The following CACNG3 variants were observed in gnomAD, a reference collection of about 807,000 sequenced individuals.
CACNG3 encodes voltage-dependent calcium channel gamma-3 subunit.
CACNG3 carries 3 observed loss-of-function variants against 28.5 expected under a neutral mutation model. The ratio of observed to expected loss-of-function variants is 0.11; its 90% CI spans 0.05 to 0.27. CACNG3 has a LOEUF of 0.27. Among genes scored for constraint, CACNG3 ranks in the 10% least tolerant of loss-of-function variants. The probability of loss-of-function intolerance (pLI) is 1.00; values close to 1 mark genes in which losing one functional copy is unlikely to be tolerated. For synonymous variants in CACNG3, 174 were observed against 162.2 expected, an observed-to-expected ratio of 1.07 and a Z score of -0.55; for missense variants, 236 against 414.4, an observed-to-expected ratio of 0.57 and a Z score of 3.74.
chr16:24,356,701 C>CA (rs1342703694), intron 3 of CACNG3, among the ~76,000 whole-genome samples: 1 of 151,730 alleles, frequency 6.6e-6, no homozygotes, highest in Admixed American at 6.6e-5. Context: ...GACCCTGTCT[C>CA]AAAATAGTCG....
chr16:24,298,754 T>A (rs948140459), intron 1 of CACNG3, among the ~76,000 whole-genome samples: 3 of 152,222 alleles, frequency 2.0e-5, no homozygotes, highest in Non-Finnish European at 4.4e-5. Flanking sequence ...TCTCCTTGGG[T>A]ACCTCTAGAC....
rs1039840432 is a variant in CACNG3 at position 24,290,973 on chromosome 16, G to T, written c.211+34008G>T. On this transcript the variant is annotated intron_variant, in intron 1 of 3. Coordinates refer to ENST00000005284, the MANE Select transcript of CACNG3 (RefSeq NM_006539.4). ...GAAGGCAGATGGCAAACTCCCCAAA[G>T]CAATACTGCACTGTTCTTGGGAGCA... is the stretch of plus-strand genomic sequence containing the variant. Among the ~76,000 whole-genome samples the T allele has an allele frequency of 2.6e-5, 4 of 152,202 alleles. No individual in the cohort carries two copies. The South Asian group carries it at 8.3e-4, about 32-fold the overall frequency.
intron 1 of CACNG3, among the ~76,000 whole-genome samples, chr16:24,264,977 A>G (rs1460939587): frequency 1.3e-5 from 2 of 152,198 alleles, no homozygotes; most frequent in African/African-American, 4.8e-5. Flanking sequence ...GGTGGATCAC[A>G]TCTGTAATCC....
At chr16:24,303,632 C>A (rs369786776) in intron 1 of CACNG3, among the ~76,000 whole-genome samples, 14 of 151,384 alleles carry the variant, frequency 9.2e-5, no homozygotes, top group Admixed American at 9.2e-4. Flanking sequence ...TATTTGCTTG[C>A]GAAGTGGTTG....
chr16:24,348,118 C>T (rs536412716), intron 2 of CACNG3, among the ~76,000 whole-genome samples: 1 of 152,268 alleles, frequency 6.6e-6, no homozygotes, highest in South Asian at 2.1e-4. Context: ...AATAGTGAGG[C>T]CAAGTGCAAT....
In CACNG3 at chr16:24,362,335, A is replaced by G. The variant is rs1466141128; in HGVS notation, c.*472A>G. 6.4e-6 allele frequency: 1 copy of G among 156,282 alleles called. No individual in the cohort carries two copies. Among genetic ancestry groups the G allele is most frequent in the African/African-American group, 2.4e-5 (1 of 41,534 alleles). 9.7% of individuals were successfully genotyped at this position (156,282 alleles called of 1,614,324 possible). ...ATGTGTTAGAAAAACATGACCAGAA[A>G]TCAAAGATGTCAGAGCCCCGAAGCA... On this transcript the variant is annotated 3_prime_UTR_variant, in exon 4 of 4. Transcript: ENST00000005284.
rs1039707920 is a variant in CACNG3 at position 24,333,523 on chromosome 16, G to A, written c.212-13211G>A. On this transcript the variant is annotated intron_variant, in intron 1 of 3. Coordinates refer to ENST00000005284, the MANE Select transcript of CACNG3 (RefSeq NM_006539.4). ...ATTTTCAGACACCATGATCGACAGT[G>A]CCCATTCTCATCTAGAAAGAGGCTT... 3.9e-5 allele frequency: 6 copies of A among 152,328 alleles called. No homozygotes were observed. The East Asian group carries it at 7.7e-4, about 20-fold the overall frequency. The allele number at this position is 152,328 out of a possible 1,614,324, so 9.4% of individuals were successfully genotyped here.
intron 2 of CACNG3, among the ~76,000 whole-genome samples, chr16:24,354,328 C>T (rs1052338781): frequency 2.6e-5 from 4 of 152,100 alleles, no homozygotes; most frequent in African/African-American, 9.7e-5. Context: ...TCCCAGTGAG[C>T]GCAAACCCTC....
intron 1 of CACNG3, among the ~76,000 whole-genome samples, chr16:24,322,349 G>A (rs996308922): frequency 1.1e-4 from 16 of 152,014 alleles, no homozygotes; most frequent in Non-Finnish European, 1.9e-4. Flanking sequence ...AAGGAACCCC[G>A]GCCACCCTTG....
intron 1 of CACNG3, among the ~76,000 whole-genome samples, chr16:24,326,528 A>G (rs1353347445): frequency 6.6e-6 from 1 of 152,196 alleles, no homozygotes; most frequent in African/African-American, 2.4e-5. Context: ...TCACTGGACA[A>G]ACTTGGTCAC....
rs1159128558 is a variant in CACNG3, at chr16:24,327,441, TATATATATATATATACAC to T, written c.212-19291_212-19274del. 7.3e-4 allele frequency among the ~76,000 whole-genome samples: 66 copies of T among 90,468 alleles called. 1 individual carries two copies. The highest frequency in any genetic ancestry group is 2.8e-3 in the African/African-American group (62 of 22,388). The allele number at this position is 90,468 out of a possible 152,430, so 59.4% of individuals were successfully genotyped here. On this transcript the variant is annotated intron_variant, in intron 1 of 3. Coordinates refer to ENST00000005284, the MANE Select transcript of CACNG3 (RefSeq NM_006539.4). ...ATATATATGTGTGTGTGTGTGTGTA[TATATATATATATATACAC>T]ACACACACACACACACACATATACT...
intron 1 of CACNG3, among the ~76,000 whole-genome samples, chr16:24,315,606 C>CTCTT (rs751180321): frequency 2.2e-5 from 3 of 136,120 alleles, no homozygotes; most frequent in Admixed American, 1.5e-4. Context: ...TTCTTTGTCT[C>CTCTT]TCTTTCTTTC....
rs1348736571 is a variant in CACNG3, at chr16:24,257,365, G to A, written c.211+400G>A. Among the ~76,000 whole-genome samples, 4 of 107,636 alleles carry A rather than the reference G, an allele frequency of 3.7e-5. No homozygotes were observed. The East Asian group carries it at 1.1e-3, about 30-fold the overall frequency. The allele number at this position is 107,636 out of a possible 152,430, so 70.6% of individuals were successfully genotyped here. On this transcript the variant is annotated intron_variant, in intron 1 of 3. Coordinates refer to ENST00000005284, the MANE Select transcript of CACNG3 (RefSeq NM_006539.4). ...GAAGGGACAAGAGGAAAGAAGTGAG[G>A]GGGGAGAGAGAGAGAGAGAGAGAGA...
At chr16:24,304,638 A>G (rs1282237719) in intron 1 of CACNG3, among the ~76,000 whole-genome samples, 1 of 152,122 alleles carries the variant, frequency 6.6e-6, no homozygotes, top group East Asian at 1.9e-4. Context: ...CAGTAGCGCA[A>G]TCTCAGCTCA....
intron 1 of CACNG3, among the ~76,000 whole-genome samples, chr16:24,337,074 A>T (rs2238520): frequency 0.26 from 39,094 of 151,966 alleles, 5,240 homozygotes; most frequent in Admixed American, 0.37. Context: ...TTGGCCTCCA[A>T]AAGTGCTGGG....
chr16:24,320,868 C>T (rs979474999), intron 1 of CACNG3, among the ~76,000 whole-genome samples: 1 of 152,018 alleles, frequency 6.6e-6, no homozygotes. Context: ...TAGCTGGGAC[C>T]ACAGGCATGC....
intron 1 of CACNG3, among the ~76,000 whole-genome samples, chr16:24,343,361 G>A (rs1899815930): frequency 6.6e-6 from 1 of 152,166 alleles, no homozygotes; most frequent in Admixed American, 6.5e-5. Context: ...AATTCTGACT[G>A]GTCTGTATTT....
chr16:24,267,674 G>C (rs756379641), intron 1 of CACNG3, among the ~76,000 whole-genome samples: 3 of 151,756 alleles, frequency 2.0e-5, no homozygotes, highest in Non-Finnish European at 2.9e-5. Flanking sequence ...GCATTCATTT[G>C]TTTGTTTGTT....
rs914197267 is a variant in CACNG3, at chr16:24,307,073, T to C, written c.212-39661T>C. On this transcript the variant is annotated intron_variant, in intron 1 of 3. Transcript: ENST00000005284. Reference sequence around the variant, plus strand: ...CCAATAGCTGGGCAGTATGAGGGTATAGAGGTTCATCTAGCTTGCCTTCTT... The same window carrying C: ...CCAATAGCTGGGCAGTATGAGGGTACAGAGGTTCATCTAGCTTGCCTTCTT... Among the ~76,000 whole-genome samples, 8 of 152,300 alleles carry C rather than the reference T, an allele frequency of 5.3e-5. No homozygotes were observed. The South Asian group carries it at 1.5e-3, about 28-fold the overall frequency.
Sources: gnomAD v4.1 joint callset for allele counts (sites outside exome capture counted in the v4.1 genomes callset) on GRCh38, gnomAD v4.1.1 for gene constraint, MANE v1.5 for transcripts, NCBI Gene and HGNC (gene_info 2026-07-23, HGNC 2026-07-21) for gene names.